The following PSMC6 variants were observed in gnomAD, a reference collection of about 807,000 sequenced individuals.
PSMC6 encodes the protein 26S proteasome regulatory subunit 10B.
PSMC6 carries 3 observed loss-of-function variants against 55.9 expected under a neutral mutation model. That is an observed-to-expected ratio of 0.05 (90% CI 0.02 to 0.14). The LOEUF is 0.14. Among genes scored for constraint, PSMC6 ranks in the 10% least tolerant of loss-of-function variants. The pLI is 1.00. For synonymous variants in PSMC6, 137 were observed against 155.9 expected (o/e 0.88, Z 0.90); for missense variants, 210 against 478.7 (o/e 0.44, Z 5.24).
chr14:52,717,133 A>G (rs937004356), intron 7 of PSMC6, among the ~76,000 whole-genome samples: 20 of 152,182 alleles, frequency 1.3e-4, no homozygotes, highest in Admixed American at 1.2e-3. Flanking sequence ...GTAGATTTTA[A>G]ATGTTCTAAC....
chr14:52,717,174 G>A (rs549480727), intron 7 of PSMC6, among the ~76,000 whole-genome samples: 6 of 152,056 alleles, frequency 3.9e-5, no homozygotes, highest in African/African-American at 1.4e-4. Context: ...GTGAGGTGAT[G>A]GATATGTTGA....
chr14:52,707,669 A>G (rs991720981), intron 1 of PSMC6: 11 of 253,864 alleles, frequency 4.3e-5, no homozygotes, highest in Non-Finnish European at 8.6e-5. Context: ...AGCTCAAACA[A>G]GAGATGAGAC....
In PSMC6 at chr14:52,720,900, G is replaced by A; in HGVS notation, c.817G>A (p.Val273Ile). 7 of 1,610,170 alleles carry A rather than the reference G, an allele frequency of 4.3e-6. No homozygotes were observed. Among genetic ancestry groups the A allele is most frequent in the South Asian group, 1.1e-5 (1 of 90,934 alleles). The change falls in exon 11 of 14, where the codon GTT (valine) becomes ATT (isoleucine). Residue 273 changes from valine (V) to isoleucine (I), a missense_variant. Around this residue, in one of 4 missense-constraint regions of PSMC6, gnomAD observed 79 missense variants for 158.7 expected, o/e 0.50. Coordinates refer to ENST00000445930, the MANE Select transcript of PSMC6 (RefSeq NM_002806.5). ...GGATGGATTTGATACTCTGCATAGA[G>A]TTAAAATGATCATGGCTACAAACAG... ...QMDGFDTLHR[V>I]KMIMATNRPD...
At chr14:52,708,202 C>G (rs1340081482) in intron 1 of PSMC6, 107 bp from the exon 2 acceptor site, 9 of 925,710 alleles carry the variant, frequency 9.7e-6, no homozygotes, top group Non-Finnish European at 1.5e-5. Flanking sequence ...GGATGTGAAA[C>G]TTAGGTAAAG....
intron 4 of PSMC6, 112 bp downstream of exon 4, chr14:52,708,928 A>G: frequency 1.4e-6 from 2 of 1,479,346 alleles, no homozygotes; most frequent in Non-Finnish European, 1.8e-6. Context: ...ATAACTCACA[A>G]GGATGATTTG....
intron 1 of PSMC6, among the ~76,000 whole-genome samples, 169 bp from the exon 2 acceptor site, chr14:52,708,140 A>G (rs2041724665): frequency 6.6e-6 from 1 of 152,218 alleles, no homozygotes; most frequent in Non-Finnish European, 1.5e-5. Flanking sequence ...GTTGTTATAC[A>G]TGCCACCTAC....
intron 1 of PSMC6, among the ~76,000 whole-genome samples, chr14:52,708,106 A>G (rs1385461382): frequency 1.3e-5 from 2 of 152,212 alleles, no homozygotes; most frequent in East Asian, 3.8e-4. Flanking sequence ...AAGTAAAAGT[A>G]TGGTGCTTTC....
intron 7 of PSMC6, among the ~76,000 whole-genome samples, chr14:52,714,200 C>A (rs2041805308): frequency 6.6e-6 from 1 of 152,108 alleles, no homozygotes; most frequent in Admixed American, 6.5e-5. Context: ...ATCACCATGT[C>A]TGGTTAATTT....
At chr14:52,715,738 T>A (rs887015155) in intron 7 of PSMC6, among the ~76,000 whole-genome samples, 6 of 151,668 alleles carry the variant, frequency 4.0e-5, no homozygotes, top group Non-Finnish European at 8.8e-5. Flanking sequence ...CACCTCAGCC[T>A]CCTGAGTAGC....
At chr14:52,707,408 A>ACCAGGC in intron 1 of PSMC6, 104 bp downstream of exon 1, 1 of 1,488,456 alleles carries the variant, frequency 6.7e-7, no homozygotes, top group Non-Finnish European at 9.1e-7. Flanking sequence ...CTTAGAGATG[A>ACCAGGC]CCAGGCCTAG....
At chr14:52,721,306 T>A in intron 12 of PSMC6, 116 bp downstream of exon 12, 1 of 865,826 alleles carries the variant, frequency 1.2e-6, no homozygotes, top group Non-Finnish European at 1.7e-6. Context: ...GTGGTGGTTT[T>A]AAATTCAGCA....
chr14:52,708,029 G>A (rs2041722935), intron 1 of PSMC6, among the ~76,000 whole-genome samples: 1 of 152,176 alleles, frequency 6.6e-6, no homozygotes, highest in Non-Finnish European at 1.5e-5. Flanking sequence ...AATCCTAAGT[G>A]TCAGGGTGTC....
At chr14:52,709,647 A>T (rs1378086871) in intron 4 of PSMC6, 2 of 443,012 alleles carry the variant, frequency 4.5e-6, no homozygotes, top group Admixed American at 5.1e-5. Context: ...GTATTTGAAG[A>T]CTAAAAAACA....
intron 7 of PSMC6, among the ~76,000 whole-genome samples, chr14:52,716,406 T>C (rs1425673782): frequency 6.6e-6 from 1 of 152,186 alleles, no homozygotes; most frequent in Non-Finnish European, 1.5e-5. Flanking sequence ...TATTTCACAA[T>C]AGCCAAGATA....
intron 13 of PSMC6, among the ~76,000 whole-genome samples, chr14:52,726,071 A>C (rs1197843301): frequency 6.6e-6 from 1 of 152,236 alleles, no homozygotes; most frequent in Non-Finnish European, 1.5e-5. Flanking sequence ...TATGTAAGTG[A>C]AAATTCAATA....
intron 12 of PSMC6, 183 bp from the exon 13 acceptor site, chr14:52,723,782 C>A: frequency 7.4e-7 from 1 of 1,348,604 alleles, no homozygotes; most frequent in African/African-American, 1.5e-5. Flanking sequence ...TCTAATTCTT[C>A]TTGGTGCTGG....
At chr14:52,722,386 T>G (rs1186041622) in intron 12 of PSMC6, 1 of 151,520 alleles carries the variant, frequency 6.6e-6, no homozygotes, top group African/African-American at 2.4e-5. Context: ...TTTTTTTTTT[T>G]TTTTAATAAT....
intron 10 of PSMC6, 124 bp from the exon 11 acceptor site, chr14:52,720,737 A>C: frequency 1.4e-6 from 1 of 734,806 alleles, no homozygotes; most frequent in Non-Finnish European, 2.1e-6. Flanking sequence ...TCAAATGACC[A>C]TTCTGAAGAT....
chr14:52,713,844 G>C (rs1594849312), intron 6 of PSMC6, 37 bp from the exon 7 acceptor site: 3 of 1,367,656 alleles, frequency 2.2e-6, no homozygotes, highest in Non-Finnish European at 2.1e-6. Flanking sequence ...TAAAAATCTT[G>C]ACTAACTTTT....
Sources: gnomAD v4.1 joint callset for allele counts (sites outside exome capture counted in the v4.1 genomes callset) on GRCh38, gnomAD v4.1.1 for gene constraint, gnomAD v4.1.1 regional missense constraint, MANE v1.5 for transcripts, NCBI Gene and HGNC (gene_info 2026-07-23, HGNC 2026-07-21) for gene names.